TMEM135: variants seen among roughly 807,000 people sequenced by gnomAD.
TMEM135 encodes the protein peroxisomal membrane protein 52.
TMEM135 carries 30 observed loss-of-function variants against 60.3 expected under a neutral mutation model. That is an observed-to-expected ratio of 0.50 (90% CI 0.37 to 0.68). The LOEUF (loss-of-function observed/expected upper bound fraction) is 0.68, where lower values mean the gene tolerates loss of function less well. TMEM135 is among the 30% of genes least tolerant of loss of function. TMEM135 has a pLI of 0.00. For missense variants in TMEM135, 468 were observed against 548.8 expected (o/e 0.85, Z 1.47); for synonymous variants, 190 against 186.7 (o/e 1.02, Z -0.14).
At chr11:87,134,556 C>T (rs546658144) in intron 4 of TMEM135, among the ~76,000 whole-genome samples, 1 of 152,200 alleles carries the variant, frequency 6.6e-6, no homozygotes, top group Non-Finnish European at 1.5e-5. Flanking sequence ...TATCACATCT[C>T]ACTGCAATGC....
chr11:87,226,867 G>A (rs578116), intron 5 of TMEM135, among the ~76,000 whole-genome samples: 9,428 of 152,064 alleles, frequency 0.062, 383 homozygotes, highest in South Asian at 0.12. Context: ...TGGCCAACAT[G>A]GTGAAACCCC....
chr11:87,055,859 C>T (rs769370733), intron 1 of TMEM135, among the ~76,000 whole-genome samples: 6 of 152,020 alleles, frequency 3.9e-5, no homozygotes, highest in Non-Finnish European at 5.9e-5. Flanking sequence ...GGAAAGGGAT[C>T]CTGATTTAGA....
At position 87,058,822 on chromosome 11, in the gene TMEM135, A is replaced by T. The variant is rs554681231; in HGVS notation, c.142-8872A>T. 6.0e-5 allele frequency among the ~76,000 whole-genome samples: 9 copies of T among 151,240 alleles called. No individual in the cohort carries two copies. The South Asian group carries it at 1.5e-3, about 25-fold the overall frequency. On this transcript the variant is annotated intron_variant, in intron 1 of 14. Coordinates refer to ENST00000305494, the MANE Select transcript of TMEM135 (RefSeq NM_022918.4). The stretch of plus-strand genomic sequence containing the variant: ...TTTTTAGTAGAGACGGGGTTTCATC[A>T]TGTTAGCCAGGATGGTCTCCATCTC...
At chr11:87,309,398 A>G in intron 9 of TMEM135, 107 bp from the exon 10 acceptor site, 1 of 1,167,670 alleles carries the variant, frequency 8.6e-7, no homozygotes, top group Non-Finnish European at 1.3e-6. Context: ...ATAAACTTAG[A>G]TTAAATTTGT....
chr11:87,236,701 T>G lies in TMEM135; in HGVS notation c.509+17T>G, dbSNP rs1941004145. 5 of 1,606,800 alleles carry G rather than the reference T, an allele frequency of 3.1e-6. No individual in the cohort carries two copies. The highest frequency in any genetic ancestry group is 4.3e-6 in the Non-Finnish European group (5 of 1,174,168). ...CTTTTTCAGGTATGTTCTGTTATACTTATTTACTTTAATACCCCAAACAGT... is the reference window on the plus strand; with the variant it reads ...CTTTTTCAGGTATGTTCTGTTATACGTATTTACTTTAATACCCCAAACAGT... On this transcript the variant is annotated intron_variant, in intron 6 of 14. Coordinates refer to ENST00000305494, the MANE Select transcript of TMEM135 (RefSeq NM_022918.4).
chr11:87,221,409 C>T (rs1325783211), intron 5 of TMEM135, among the ~76,000 whole-genome samples: 2 of 152,180 alleles, frequency 1.3e-5, no homozygotes, highest in Admixed American at 6.5e-5. Context: ...TTTATTTATA[C>T]ATACATGCTA....
At chr11:87,136,882 T>G (rs996892850) in intron 4 of TMEM135, among the ~76,000 whole-genome samples, 2 of 152,082 alleles carry the variant, frequency 1.3e-5, no homozygotes, top group Non-Finnish European at 2.9e-5. Context: ...AATTTGTGCC[T>G]TCTTTCTTCT....
Position 87,302,191 on chromosome 11 carries a change from A to G in TMEM135, c.552-105A>G, listed in dbSNP as rs1454844519. ...AATTGTGAAAATACTATCTCAAATG[A>G]TAAAATACTTGCCAAAGCGTATTTG... is the stretch of plus-strand genomic sequence containing the variant. On this transcript the variant is annotated intron_variant, in intron 7 of 14. Transcript: ENST00000305494. 7 of 1,198,388 alleles carry G rather than the reference A, an allele frequency of 5.8e-6. No homozygotes were observed. The East Asian group carries it at 1.0e-4, about 17-fold the overall frequency. The allele number at this position is 1,198,388 out of a possible 1,614,324, so 74.2% of individuals were successfully genotyped here.
intron 5 of TMEM135, among the ~76,000 whole-genome samples, chr11:87,195,335 T>A (rs1271941555): frequency 1.1e-5 from 1 of 89,818 alleles, no homozygotes. Flanking sequence ...CCTTCCTTCC[T>A]TCCTTCCTTC....
At chr11:87,206,939 G>T (rs1940248539) in intron 5 of TMEM135, among the ~76,000 whole-genome samples, 1 of 152,052 alleles carries the variant, frequency 6.6e-6, no homozygotes, top group Admixed American at 6.5e-5. Flanking sequence ...CTGCTCAAGA[G>T]TAAGATTAAA....
At chr11:87,253,457 A>G (rs931138682) in intron 6 of TMEM135, among the ~76,000 whole-genome samples, 3 of 151,928 alleles carry the variant, frequency 2.0e-5, no homozygotes, top group African/African-American at 4.8e-5. Context: ...ACTGATGTCA[A>G]AGTTCAAAAG....
At chr11:87,293,454 C>T (rs1005872240) in intron 6 of TMEM135, among the ~76,000 whole-genome samples, 2 of 151,810 alleles carry the variant, frequency 1.3e-5, no homozygotes, top group East Asian at 1.9e-4. Flanking sequence ...CATACGTATA[C>T]GTGTGCCATG....
chr11:87,102,750 A>G (rs1049752654), intron 4 of TMEM135, among the ~76,000 whole-genome samples: 33 of 124,100 alleles, frequency 2.7e-4, no homozygotes, highest in African/African-American at 9.3e-4. Context: ...GTATATATGT[A>G]TATATACAGC....
At position 87,309,567 on chromosome 11, in the gene TMEM135, A is replaced by G; in HGVS notation, c.831A>G (p.Ala277=). 1 of 1,613,872 alleles carries G rather than the reference A, an allele frequency of 6.2e-7. No homozygotes were observed. The highest frequency in any genetic ancestry group is 1.3e-5 in the African/African-American group (1 of 75,038). Residue 277 remains alanine, a synonymous_variant, in exon 10 of 15, where the codon GCA becomes GCG. Coordinates refer to ENST00000305494, the MANE Select transcript of TMEM135 (RefSeq NM_022918.4). Reference sequence around the variant, plus strand: ...AGTGCTGCCTCCGAATCCCTTCTGCATTTAGGCATCTGTTTACACAGCCAT... The same window carrying G: ...AGTGCTGCCTCCGAATCCCTTCTGCGTTTAGGCATCTGTTTACACAGCCAT... ...LIQCCLRIPS[A]FRHLFTQPSR...
intron 4 of TMEM135, among the ~76,000 whole-genome samples, chr11:87,111,669 A>AG (rs1857755522): frequency 1.3e-5 from 2 of 150,710 alleles, no homozygotes; most frequent in African/African-American, 2.4e-5. Context: ...AAAAAAAAAA[A>AG]AAGAAAAAGA....
intron 6 of TMEM135, among the ~76,000 whole-genome samples, chr11:87,240,895 T>C (rs551612010): frequency 6.6e-6 from 1 of 152,288 alleles, no homozygotes; most frequent in African/African-American, 2.4e-5. Flanking sequence ...GATTGAATTG[T>C]CATAGCAGTT....
chr11:87,214,203 A>G (rs1940446205), intron 5 of TMEM135, among the ~76,000 whole-genome samples: 1 of 152,308 alleles, frequency 6.6e-6, no homozygotes, highest in South Asian at 2.1e-4. Context: ...CTAAAAAATA[A>G]TAATAAAAAT....
Position 87,321,948 on chromosome 11 carries a change from C to A in TMEM135, c.*615C>A, listed in dbSNP as rs79607065. 6 of 454,140 alleles carry A rather than the reference C, an allele frequency of 1.3e-5. No individual in the cohort carries two copies. The highest frequency in any genetic ancestry group is 2.2e-5 in the Non-Finnish European group (5 of 226,702). 28.1% of individuals were successfully genotyped at this position (454,140 alleles called of 1,614,324 possible). On this transcript the variant is annotated 3_prime_UTR_variant, in exon 15 of 15. Coordinates refer to ENST00000305494, the MANE Select transcript of TMEM135 (RefSeq NM_022918.4). ...TTGGATAAATGTCGTGGTATCCATGCTTTTTTTCAACTAATAACATCATCT... is the reference window on the plus strand; with the variant it reads ...TTGGATAAATGTCGTGGTATCCATGATTTTTTTCAACTAATAACATCATCT...
chr11:87,060,270 C>G (rs766962189), intron 1 of TMEM135, among the ~76,000 whole-genome samples: 1 of 152,022 alleles, frequency 6.6e-6, no homozygotes, highest in Non-Finnish European at 1.5e-5. Context: ...ATCTTCTTTC[C>G]TCTTTATTTT....
Sources: gnomAD v4.1 joint callset for allele counts (sites outside exome capture counted in the v4.1 genomes callset) on GRCh38, gnomAD v4.1.1 for gene constraint, MANE v1.5 for transcripts, NCBI Gene and HGNC (gene_info 2026-07-23, HGNC 2026-07-21) for gene names.